CNTN4: variants seen among roughly 807,000 people sequenced by gnomAD.
CNTN4 encodes the protein contactin-4.
In CNTN4, 77 loss-of-function variants were observed where a neutral mutation model predicts 122.5. The ratio of observed to expected loss-of-function variants is 0.63; its 90% CI spans 0.52 to 0.76. CNTN4 has a LOEUF of 0.76. Ranked by LOEUF, CNTN4 falls within the 30% of genes least tolerant of loss-of-function variation. The pLI, the probability that CNTN4 is intolerant of heterozygous loss-of-function variation, is 0.00. For synonymous variants in CNTN4, 512 were observed against 447.0 expected, an observed-to-expected ratio of 1.15 and a Z score of -1.83; for missense variants, 1,256 against 1,259.1, an observed-to-expected ratio of 1.00 and a Z score of 0.04.
intron 2 of CNTN4, among the ~76,000 whole-genome samples, chr3:2,302,925 T>G (rs981992769): frequency 3.3e-5 from 5 of 152,232 alleles, no homozygotes; most frequent in South Asian, 2.1e-4. Flanking sequence ...GGTGCCCTTT[T>G]GTGGATTCAA....
intron 2 of CNTN4, among the ~76,000 whole-genome samples, chr3:2,327,317 T>C (rs951087229): frequency 2.0e-5 from 3 of 152,232 alleles, no homozygotes; most frequent in Admixed American, 6.5e-5. Flanking sequence ...TGGAAGTTAT[T>C]GTGTGTGTAG....
At chr3:3,027,059 T>C (rs1698784938) in intron 15 of CNTN4, among the ~76,000 whole-genome samples, 1 of 152,100 alleles carries the variant, frequency 6.6e-6, no homozygotes, top group Admixed American at 6.6e-5. Flanking sequence ...CTCTCCCCAC[T>C]TCCTAGGCTG....
intron 2 of CNTN4, among the ~76,000 whole-genome samples, chr3:2,244,113 G>A (rs943922810): frequency 2.6e-5 from 4 of 151,914 alleles, no homozygotes; most frequent in African/African-American, 9.7e-5. Flanking sequence ...TGTTTTTCCT[G>A]TGCATACATA....
At chr3:2,137,029 G>A (rs1001575352) in intron 2 of CNTN4, among the ~76,000 whole-genome samples, 7 of 152,050 alleles carry the variant, frequency 4.6e-5, no homozygotes, top group Non-Finnish European at 8.8e-5. Flanking sequence ...TTAGAATCTA[G>A]GAGAAGGAAA....
chr3:2,523,364 A>C (rs867783848), intron 3 of CNTN4, among the ~76,000 whole-genome samples: 1 of 142,804 alleles, frequency 7.0e-6, no homozygotes, highest in Non-Finnish European at 1.6e-5. Context: ...CTTAAAAAAA[A>C]AAAAAAAACA....
At chr3:2,851,726 A>G (rs146951179) in intron 7 of CNTN4, among the ~76,000 whole-genome samples, 91 of 152,360 alleles carry the variant, frequency 6.0e-4, no homozygotes, top group African/African-American at 2.1e-3. Flanking sequence ...CCAAGATCAC[A>G]GAGTTAGACA....
chr3:3,053,901 T>C lies in CNTN4; in HGVS notation c.2906T>C (p.Ile969Thr). ...TCTTTGCCTTTCGATGAAGATTATA[T>C]AATAGAAATTAAGCCATTCAGCGAC... ...ELSLPFDEDY[I>T]IEIKPFSDGG... is the part of the protein sequence containing the mutation. The change falls in exon 24 of 25, where the codon ATA becomes ACA. Residue 969 changes from isoleucine (I) to threonine (T), a missense_variant. Ile to Thr is a moderately conservative substitution (Grantham distance 89). Coordinates refer to ENST00000418658, the MANE Select transcript of CNTN4 (RefSeq NM_175607.3). 2 of 1,614,148 alleles carry C rather than the reference T, an allele frequency of 1.2e-6. No individual in the cohort carries two copies. The highest frequency in any genetic ancestry group is 1.7e-6 in the Non-Finnish European group (2 of 1,179,996).
At chr3:2,356,066 AC>A (rs1364965681) in intron 3 of CNTN4, among the ~76,000 whole-genome samples, 1 of 152,076 alleles carries the variant, frequency 6.6e-6, no homozygotes, top group African/African-American at 2.4e-5. Context: ...AGAATCCAAT[AC>A]AGGTATTGGT....
intron 17 of CNTN4, among the ~76,000 whole-genome samples, chr3:3,035,716 C>A (rs896455900): frequency 6.6e-6 from 1 of 152,122 alleles, no homozygotes; most frequent in African/African-American, 2.4e-5. Context: ...GCCCCCACAC[C>A]CAGCTAATTC....
chr3:2,547,117 C>CA (rs34903354), intron 3 of CNTN4, among the ~76,000 whole-genome samples: 13,185 of 152,012 alleles, frequency 0.087, 763 homozygotes, highest in Non-Finnish European at 0.13. Flanking sequence ...GAGAAATTAG[C>CA]AAAAACTCCA....
intron 2 of CNTN4, among the ~76,000 whole-genome samples, chr3:2,113,474 G>T (rs2033114206): frequency 6.6e-6 from 1 of 152,176 alleles, no homozygotes; most frequent in Non-Finnish European, 1.5e-5. Flanking sequence ...CACTGTATCA[G>T]AATTTTCATT....
At chr3:2,413,583 G>T (rs1047370158) in intron 3 of CNTN4, among the ~76,000 whole-genome samples, 2 of 148,794 alleles carry the variant, frequency 1.3e-5, no homozygotes, top group Non-Finnish European at 3.0e-5. Context: ...TCCCTTTGTT[G>T]CCCAGGCTGA....
chr3:2,779,203 C>T (rs1412511582), intron 6 of CNTN4, among the ~76,000 whole-genome samples: 3 of 152,014 alleles, frequency 2.0e-5, no homozygotes, highest in Non-Finnish European at 2.9e-5. Flanking sequence ...GAATCTTAGA[C>T]CAATATTTAA....
At chr3:2,651,386 G>C (rs1334063643) in intron 4 of CNTN4, among the ~76,000 whole-genome samples, 4 of 152,114 alleles carry the variant, frequency 2.6e-5, no homozygotes, top group Non-Finnish European at 5.9e-5. Flanking sequence ...AATAGTGTCA[G>C]TTCACCAAGG....
chr3:2,793,195 A>G (rs2092067052), intron 6 of CNTN4, among the ~76,000 whole-genome samples: 1 of 152,062 alleles, frequency 6.6e-6, no homozygotes, highest in Admixed American at 6.6e-5. Flanking sequence ...TGCTTGCTGG[A>G]AAGAAAGTTC....
Position 2,900,729 on chromosome 3 carries a change from A to G in CNTN4, c.985A>G (p.Met329Val), listed in dbSNP as rs751164862. The G allele has an allele frequency of 6.2e-6, 10 of 1,613,848 alleles. No individual in the cohort carries two copies. The Admixed American group carries it at 6.7e-5, about 11-fold the overall frequency. ...AAAAATAAATGATATTCACGTGGCCATGGAAGAAAATGTCTTTTGGGAATG... is the reference window on the plus strand; with the variant it reads ...AAAAATAAATGATATTCACGTGGCCGTGGAAGAAAATGTCTTTTGGGAATG... ...IQKINDIHVA[M>V]EENVFWECKA... Residue 329 changes from methionine (M) to valine (V), a missense_variant, in exon 11 of 25, where the codon ATG becomes GTG. Physicochemically the swap from Met to Val is conservative, Grantham distance 21. Coordinates refer to ENST00000418658, the MANE Select transcript of CNTN4 (RefSeq NM_175607.3).
intron 4 of CNTN4, among the ~76,000 whole-genome samples, chr3:2,593,275 G>A (rs947811286): frequency 1.3e-5 from 2 of 152,152 alleles, no homozygotes; most frequent in South Asian, 2.1e-4. Flanking sequence ...TCAGGATAGC[G>A]AAATCCCACA....
At chr3:2,140,489 G>A (rs2034938550) in intron 2 of CNTN4, among the ~76,000 whole-genome samples, 1 of 151,982 alleles carries the variant, frequency 6.6e-6, no homozygotes, top group Non-Finnish European at 1.5e-5. Flanking sequence ...CTTTTGGTGA[G>A]GGCCCACTTC....
At chr3:2,202,021 C>T (rs1395465134) in intron 2 of CNTN4, among the ~76,000 whole-genome samples, 1 of 152,030 alleles carries the variant, frequency 6.6e-6, no homozygotes, top group Non-Finnish European at 1.5e-5. Context: ...TTTAGTATCT[C>T]CAACTAGAAG....
Sources: gnomAD v4.1 joint callset for allele counts (sites outside exome capture counted in the v4.1 genomes callset) on GRCh38, gnomAD v4.1.1 for gene constraint, MANE v1.5 for transcripts, NCBI Gene and HGNC (gene_info 2026-07-23, HGNC 2026-07-21) for gene names.